Variants in EPS15L1 observed in about 807,000 individuals in gnomAD.
EPS15L1 encodes epidermal growth factor receptor substrate 15-like 1.
A neutral mutation model predicts 117.1 loss-of-function variants in EPS15L1; 43 were observed. The ratio of observed to expected loss-of-function variants is 0.37; its 90% confidence interval spans 0.29 to 0.47. The LOEUF (loss-of-function observed/expected upper bound fraction) is 0.47, where lower values mean the gene tolerates loss of function less well. Among genes scored for constraint, EPS15L1 ranks in the 20% least tolerant of loss-of-function variants. EPS15L1 has a pLI of 0.99. For synonymous variants in EPS15L1, 459 were observed against 470.5 expected, an observed-to-expected ratio of 0.98 and a Z score of 0.32; for missense variants, 981 against 1,164.0, an observed-to-expected ratio of 0.84 and a Z score of 2.29.
Position 16,425,101 on chromosome 19 carries a change from G to A in EPS15L1, c.774C>T (p.His258=). 3 of 1,614,188 alleles carry A rather than the reference G, an allele frequency of 1.9e-6. No homozygotes were observed. Among genetic ancestry groups the A allele is most frequent in the Middle Eastern group, 1.6e-4 (1 of 6,062 alleles). The change falls in exon 9 of 24, where the codon CAC becomes CAT. Residue 258 remains histidine (H), a synonymous_variant. Coordinates refer to ENST00000455140, the MANE Select transcript of EPS15L1 (RefSeq NM_001258374.3). Reference sequence around the variant, plus strand: ...TCCGTACCTGTGTTTGCTTGAGGCTGTGCTTGGGGGACAGGCTCCCTGTGC... The same window carrying A: ...TCCGTACCTGTGTTTGCTTGAGGCTATGCTTGGGGGACAGGCTCCCTGTGC... ...LNSTGSLSPK[H]SLKQTQPTVN...
chr19:16,410,497 A>C (rs969078554), intron 13 of EPS15L1, among the ~76,000 whole-genome samples: 5 of 152,248 alleles, frequency 3.3e-5, no homozygotes, highest in African/African-American at 7.2e-5. Flanking sequence ...ATTCACTCCC[A>C]GGTATACACT....
chr19:16,417,016 C>T (rs1199764009), intron 12 of EPS15L1, among the ~76,000 whole-genome samples: 6 of 152,242 alleles, frequency 3.9e-5, no homozygotes, highest in South Asian at 2.1e-4. Context: ...GCCCGCTCCT[C>T]GCCATCTGAG....
chr19:16,453,191 C>T (rs1435889781), intron 1 of EPS15L1, among the ~76,000 whole-genome samples: 1 of 152,096 alleles, frequency 6.6e-6, no homozygotes, highest in African/African-American at 2.4e-5. Flanking sequence ...CCTCAACCTC[C>T]TGGACTTAAG....
chr19:16,378,354 C>A (rs1374938271), intron 21 of EPS15L1, among the ~76,000 whole-genome samples: 2 of 152,244 alleles, frequency 1.3e-5, no homozygotes, highest in Middle Eastern at 3.4e-3. Flanking sequence ...CCAGAACCCA[C>A]TGACCCCCCA....
intron 16 of EPS15L1, among the ~76,000 whole-genome samples, chr19:16,396,327 T>C (rs1369121002): frequency 2.0e-5 from 3 of 152,214 alleles, no homozygotes; most frequent in Non-Finnish European, 4.4e-5. Context: ...AGTTGCACAC[T>C]CATGGGTTAC....
intron 18 of EPS15L1, 44 bp downstream of exon 18, chr19:16,393,907 C>T (rs1409004058): frequency 8.7e-6 from 14 of 1,600,740 alleles, no homozygotes; most frequent in East Asian, 2.2e-5. Context: ...TGAGCCAGGA[C>T]TGGACACAGT....
At chr19:16,388,049 T>G (rs1266070688) in intron 19 of EPS15L1, among the ~76,000 whole-genome samples, 3 of 152,100 alleles carry the variant, frequency 2.0e-5, no homozygotes, top group Admixed American at 6.5e-5. Context: ...CCAAATTTGT[T>G]TTGTTGTTTT....
At chr19:16,433,022 GCTGGACTCAAACTC>G (rs1220763755) in intron 7 of EPS15L1, among the ~76,000 whole-genome samples, 1 of 151,402 alleles carries the variant, frequency 6.6e-6, no homozygotes, top group Admixed American at 6.6e-5. Flanking sequence ...TATTGCCCAA[GCTGGACTCAAACTC>G]CTGGACTCAA....
At chr19:16,398,230 G>A (rs2092560668) in intron 16 of EPS15L1, among the ~76,000 whole-genome samples, 1 of 152,180 alleles carries the variant, frequency 6.6e-6, no homozygotes, top group African/African-American at 2.4e-5. Context: ...CCCACTTCAG[G>A]AGAATGCACC....
At position 16,421,309 on chromosome 19, in the gene EPS15L1, C is replaced by T. The variant is rs921689357; in HGVS notation, c.950+10G>A. On this transcript the variant is annotated intron_variant, in intron 10 of 23. Coordinates refer to ENST00000455140, the MANE Select transcript of EPS15L1 (RefSeq NM_001258374.3). ...ACCCACAGCCACAACTGCCACCTGT[C>T]CGGCCTTACCATATGTGTGCTAGAA... 5.0e-6 allele frequency: 8 copies of T among 1,595,928 alleles called. No individual in the cohort carries two copies. The highest frequency in any genetic ancestry group is 1.3e-5 in the African/African-American group (1 of 74,624).
At chr19:16,384,785 G>T (rs1208334782) in intron 21 of EPS15L1, among the ~76,000 whole-genome samples, 3 of 152,162 alleles carry the variant, frequency 2.0e-5, no homozygotes, top group Admixed American at 6.5e-5. Context: ...GCACCTGCAG[G>T]CCTGCTGCCC....
intron 19 of EPS15L1, among the ~76,000 whole-genome samples, chr19:16,389,805 T>C (rs1436180985): frequency 6.6e-6 from 1 of 152,156 alleles, no homozygotes; most frequent in Admixed American, 6.5e-5. Context: ...TTACATGAGA[T>C]AATACAATAC....
chr19:16,462,924 G>T (rs1239977990), intron 1 of EPS15L1, among the ~76,000 whole-genome samples: 1 of 152,200 alleles, frequency 6.6e-6, no homozygotes, highest in African/African-American at 2.4e-5. Flanking sequence ...TCCCAGCCCA[G>T]TGGAGGTGAT....
At chr19:16,356,179 A>C in intron 23 of EPS15L1, 1 of 384,394 alleles carries the variant, frequency 2.6e-6, no homozygotes, top group Non-Finnish European at 4.8e-6. Context: ...AGGTGCAAAG[A>C]TGGGGAACTT....
chr19:16,409,255 A>G (rs1392477371), intron 13 of EPS15L1, among the ~76,000 whole-genome samples: 1 of 152,144 alleles, frequency 6.6e-6, no homozygotes, highest in Non-Finnish European at 1.5e-5. Context: ...AAAGTAAAAT[A>G]ATAAAAACAA....
At chr19:16,425,814 AAAC>A (rs1376926243) in intron 8 of EPS15L1, among the ~76,000 whole-genome samples, 2 of 152,188 alleles carry the variant, frequency 1.3e-5, no homozygotes, top group Non-Finnish European at 2.9e-5. Flanking sequence ...CTATAAAACA[AAAC>A]AAAACAAAAC....
At chr19:16,401,996 T>A in intron 16 of EPS15L1, 1 of 1,087,022 alleles carries the variant, frequency 9.2e-7, no homozygotes, top group Admixed American at 4.7e-5. Context: ...CTGATCCAAT[T>A]TTGGTTAAGT....
Position 16,417,654 on chromosome 19 carries a change from A to C in EPS15L1, c.1108-17T>G, listed in dbSNP as rs2092771850. 3.1e-6 allele frequency: 5 copies of C among 1,609,914 alleles called. No individual in the cohort carries two copies. Among genetic ancestry groups the C allele is most frequent in the Non-Finnish European group, 4.3e-6 (5 of 1,176,196 alleles). On this transcript the variant is annotated splice_polypyrimidine_tract_variant and intron_variant, in intron 11 of 23. Coordinates refer to ENST00000455140, the MANE Select transcript of EPS15L1 (RefSeq NM_001258374.3). Reference sequence around the variant, plus strand: ...TGAACTGTCCTAGAATTGAATTCAGAGGCGAGATCTCTAATTAGCAACCTG... The same window carrying C: ...TGAACTGTCCTAGAATTGAATTCAGCGGCGAGATCTCTAATTAGCAACCTG...
chr19:16,445,294 C>T (rs1030380154), intron 1 of EPS15L1, among the ~76,000 whole-genome samples: 4 of 152,166 alleles, frequency 2.6e-5, no homozygotes, highest in African/African-American at 4.8e-5. Flanking sequence ...TGATGACCAC[C>T]GGATGTCACT....
Sources: gnomAD v4.1 joint callset for allele counts (sites outside exome capture counted in the v4.1 genomes callset) on GRCh38, gnomAD v4.1.1 for gene constraint, MANE v1.5 for transcripts, NCBI Gene and HGNC (gene_info 2026-07-23, HGNC 2026-07-21) for gene names.